The following TNRC6A variants were observed in gnomAD, a reference collection of about 807,000 sequenced individuals.
TNRC6A encodes the protein trinucleotide repeat-containing gene 6A protein.
In TNRC6A, 44 loss-of-function variants were observed where a neutral mutation model predicts 221.2. The ratio of observed to expected loss-of-function variants is 0.20; its 90% CI spans 0.16 to 0.26. The LOEUF (loss-of-function observed/expected upper bound fraction) is 0.26. TNRC6A is among the 10% of genes least tolerant of loss of function. TNRC6A has a pLI of 1.00. For missense variants in TNRC6A, 2,199 were observed against 2,404.4 expected, an observed-to-expected ratio of 0.91 and a Z score of 1.79; for synonymous variants, 847 against 838.5, an observed-to-expected ratio of 1.01 and a Z score of -0.18.
At chr16:24,757,304 A>G (rs1465603426) in intron 3 of TNRC6A, among the ~76,000 whole-genome samples, 1 of 152,080 alleles carries the variant, frequency 6.6e-6, no homozygotes, top group East Asian at 1.9e-4. Context: ...GGGAGTTACT[A>G]TAGCTTTTAC....
At chr16:24,639,791 C>A (rs867239274) in intron 1 of TNRC6A, among the ~76,000 whole-genome samples, 1 of 152,086 alleles carries the variant, frequency 6.6e-6, no homozygotes, top group South Asian at 2.1e-4. Flanking sequence ...GACTTACAGA[C>A]ATGCACCACC....
At chr16:24,813,330 C>T (rs1206319667) in intron 18 of TNRC6A, among the ~76,000 whole-genome samples, 1 of 152,158 alleles carries the variant, frequency 6.6e-6, no homozygotes, top group East Asian at 1.9e-4. Context: ...AGTTTTTCAA[C>T]CCTTGCCACC....
chr16:24,822,078 T>G lies in TNRC6A; in HGVS notation c.5304T>G (p.Gly1768=). 1 of 1,614,098 alleles carries G rather than the reference T, an allele frequency of 6.2e-7. No homozygotes were observed. The highest frequency in any genetic ancestry group is 8.5e-7 in the Non-Finnish European group (1 of 1,179,974). Residue 1768 remains glycine, a splice_region_variant and synonymous_variant, in exon 23 of 25, where the codon GGT becomes GGG. Coordinates refer to ENST00000395799, the MANE Select transcript of TNRC6A (RefSeq NM_014494.4). ...WGNSDARYTP[G]SSWGESSSGR... is the part of the protein sequence containing the mutation. ...CTTGTCCTTTTTTTCCTTGTTTAGG[T>G]TCCAGCTGGGGTGAGAGCAGCTCAG...
intron 1 of TNRC6A, among the ~76,000 whole-genome samples, chr16:24,636,561 G>T (rs1901646349): frequency 6.6e-6 from 1 of 151,892 alleles, no homozygotes; most frequent in Admixed American, 6.6e-5. Flanking sequence ...TTTTGACAGG[G>T]TCTCACTATG....
chr16:24,739,478 C>CTTTTTT (rs71383710), intron 2 of TNRC6A, among the ~76,000 whole-genome samples: 3 of 118,292 alleles, frequency 2.5e-5, no homozygotes, highest in African/African-American at 6.5e-5. Flanking sequence ...TTTCCTTTCA[C>CTTTTTT]TTTTTTTTTT....
At chr16:24,629,214 T>A (rs12447908) in intron 1 of TNRC6A, among the ~76,000 whole-genome samples, 1 of 151,876 alleles carries the variant, frequency 6.6e-6, no homozygotes, top group African/African-American at 2.4e-5. Context: ...TTAACATCAC[T>A]TAAAAGCCTG....
At chr16:24,680,792 C>G (rs1441012290) in intron 2 of TNRC6A, among the ~76,000 whole-genome samples, 1 of 151,526 alleles carries the variant, frequency 6.6e-6, no homozygotes, top group East Asian at 1.9e-4. Context: ...CAGGGTCTTG[C>G]TCTGTCACCC....
At chr16:24,760,240 C>CT (rs951827949) in intron 4 of TNRC6A, among the ~76,000 whole-genome samples, 8 of 152,294 alleles carry the variant, frequency 5.3e-5, no homozygotes, top group African/African-American at 1.9e-4. Context: ...CTCCAAGTAC[C>CT]ATTGATCTCT....
At chr16:24,610,328 T>G (rs1389319423) in exon 1 of TNRC6A, 1 of 152,234 alleles carries the variant, frequency 6.6e-6, no homozygotes, top group Admixed American at 6.5e-5. Flanking sequence ...TTGGTCTGGC[T>G]CTCCCCATCG....
intron 2 of TNRC6A, chr16:24,664,930 C>A: frequency 2.2e-6 from 1 of 456,004 alleles, no homozygotes; most frequent in Non-Finnish European, 4.4e-6. Flanking sequence ...CAGACAGAAG[C>A]CAGCAGAAGT....
chr16:24,801,620 G>A (rs1490916075), intron 11 of TNRC6A, among the ~76,000 whole-genome samples: 1 of 148,902 alleles, frequency 6.7e-6, no homozygotes, highest in Non-Finnish European at 1.5e-5. Flanking sequence ...CTGCCTCCCA[G>A]GTTCAAGCGA....
intron 5 of TNRC6A, among the ~76,000 whole-genome samples, chr16:24,787,511 G>A (rs1485952314): frequency 6.6e-6 from 1 of 152,198 alleles, no homozygotes; most frequent in Admixed American, 6.5e-5. Context: ...TGGTGCTGGT[G>A]CAGATGTTAG....
intron 2 of TNRC6A, among the ~76,000 whole-genome samples, chr16:24,706,934 A>G (rs977226784): frequency 3.3e-5 from 5 of 151,900 alleles, no homozygotes; most frequent in African/African-American, 1.2e-4. Context: ...CCTTACGCCA[A>G]ATAAATTCCA....
intron 2 of TNRC6A, among the ~76,000 whole-genome samples, chr16:24,677,164 C>CT (rs57906267): frequency 0.066 from 9,166 of 138,788 alleles, 436 homozygotes; most frequent in Middle Eastern, 0.12. Context: ...CTTTTTTTTT[C>CT]TTTTTTTTTT....
chr16:24,773,107 T>C (rs2057647133), intron 4 of TNRC6A, among the ~76,000 whole-genome samples: 2 of 152,230 alleles, frequency 1.3e-5, no homozygotes, highest in African/African-American at 2.4e-5. Flanking sequence ...GATCTCTCTT[T>C]TATATTTACT....
At chr16:24,728,519 G>A (rs527281759), upstream of TNRC6A, among the ~76,000 whole-genome samples, 296 of 152,122 alleles carry the variant, frequency 1.9e-3, 1 homozygote, top group African/African-American at 6.9e-3. Context: ...AAAGGAGAAT[G>A]GGATGATCCA....
chr16:24,753,399 A>G (rs1249981159), intron 3 of TNRC6A, among the ~76,000 whole-genome samples: 1 of 152,234 alleles, frequency 6.6e-6, no homozygotes, highest in African/African-American at 2.4e-5. Flanking sequence ...CACAATATAA[A>G]GGAAGGTTTA....
Position 24,777,160 on chromosome 16 carries a change from C to T in TNRC6A, c.391C>T (p.Arg131Trp), listed in dbSNP as rs201072103. 120 of 1,614,048 alleles carry T rather than the reference C, an allele frequency of 7.4e-5. No homozygotes were observed. Among genetic ancestry groups the T allele is most frequent in the Non-Finnish European group, 9.7e-5 (114 of 1,180,038 alleles). ...ACAGCAGCAGCCACAGGCCTTGCCT[C>T]GGTATCCTCGTGAAGTACCTCCACG... ...QPQQQPQALP[R>W]YPREVPPRFR... is the part of the protein sequence containing the mutation. The change falls in exon 5 of 25, where the codon CGG (arginine) becomes TGG (tryptophan). Residue 131 changes from arginine (R) to tryptophan (W), a missense_variant. Transcript: ENST00000395799.
chr16:24,714,302 CT>C (rs60469088), intron 2 of TNRC6A, among the ~76,000 whole-genome samples: 5,011 of 71,048 alleles, frequency 0.071, 40 homozygotes, highest in East Asian at 0.26. Flanking sequence ...TGCTGTTAAT[CT>C]TTTTTTTTTT....
Sources: gnomAD v4.1 joint callset for allele counts (sites outside exome capture counted in the v4.1 genomes callset) on GRCh38, gnomAD v4.1.1 for gene constraint, MANE v1.5 for transcripts, NCBI Gene and HGNC (gene_info 2026-07-23, HGNC 2026-07-21) for gene names.